The following NOTCH2 variants were observed in gnomAD, a reference collection of about 807,000 sequenced individuals.
The protein encoded by NOTCH2 is notch receptor 2, also known as neurogenic locus notch homolog protein 2.
NOTCH2 carries 29 observed loss-of-function variants against 235.8 expected under a neutral mutation model. The observed-to-expected ratio is 0.12, with a 90% confidence interval of 0.09 to 0.17. The LOEUF (loss-of-function observed/expected upper bound fraction) is 0.17. NOTCH2 is among the 10% of genes least tolerant of loss of function. The pLI, the probability that NOTCH2 is intolerant of heterozygous loss-of-function variation, is 1.00. For missense variants in NOTCH2, 2,285 were observed against 3,150.2 expected (o/e 0.73, Z 6.57); for synonymous variants, 1,086 against 1,141.5 (o/e 0.95, Z 0.98).
At chr1:119,979,984 G>A (rs1012833361) in intron 5 of NOTCH2, among the ~76,000 whole-genome samples, 13 of 152,050 alleles carry the variant, frequency 8.5e-5, no homozygotes, top group South Asian at 2.1e-4. Flanking sequence ...ATGGTCTGTC[G>A]TTCTCGTGGA....
At chr1:119,934,014 A>C (rs1056735458) in intron 22 of NOTCH2, among the ~76,000 whole-genome samples, 1 of 152,244 alleles carries the variant, frequency 6.6e-6, no homozygotes, top group Non-Finnish European at 1.5e-5. Context: ...CACATATCTA[A>C]AACACAGAGA....
Position 119,937,485 on chromosome 1 carries a change from G to T in NOTCH2, c.3338-19C>A. On this transcript the variant is annotated intron_variant, in intron 20 of 33. Coordinates refer to ENST00000256646, the MANE Select transcript of NOTCH2 (RefSeq NM_024408.4). ...AGCACACCTGGGAAACCCAGTGAGG[G>T]AGAAATGTCATAGAAGAACATGTGA... 1 of 1,609,872 alleles carries T rather than the reference G, an allele frequency of 6.2e-7. No individual in the cohort carries two copies. Among genetic ancestry groups the T allele is most frequent in the South Asian group, 1.1e-5 (1 of 90,530 alleles).
intron 1 of NOTCH2, among the ~76,000 whole-genome samples, chr1:120,065,435 CT>C: frequency 6.6e-6 from 1 of 152,188 alleles, no homozygotes; most frequent in African/African-American, 2.4e-5. Context: ...ACAATAAGCA[CT>C]TGAGGATGTT....
chr1:119,964,029 T>C (rs1412458961), intron 10 of NOTCH2, among the ~76,000 whole-genome samples: 1 of 152,208 alleles, frequency 6.6e-6, no homozygotes, highest in Non-Finnish European at 1.5e-5. Flanking sequence ...AGAATTGAAA[T>C]ACCTTCGCAA....
At chr1:119,981,051 C>T (rs1351981187) in intron 5 of NOTCH2, among the ~76,000 whole-genome samples, 3 of 152,174 alleles carry the variant, frequency 2.0e-5, no homozygotes, top group Non-Finnish European at 4.4e-5. Flanking sequence ...TGACACATTC[C>T]ATGGTAACCC....
chr1:119,991,838 A>G (rs1292601570), intron 4 of NOTCH2, among the ~76,000 whole-genome samples: 4 of 129,876 alleles, frequency 3.1e-5, no homozygotes, highest in African/African-American at 1.4e-4. Flanking sequence ...AAAAAAAAAA[A>G]AAAAAGAAAA....
intron 2 of NOTCH2, among the ~76,000 whole-genome samples, chr1:120,025,624 TGTAAA>T (rs1653810522): frequency 9.1e-6 from 1 of 109,840 alleles, no homozygotes; most frequent in Non-Finnish European, 1.8e-5. Context: ...ACCATACATG[TGTAAA>T]GTAAAGGGAA....
At chr1:119,940,444 T>G in intron 19 of NOTCH2, 111 bp downstream of exon 19, 7 of 984,034 alleles carry the variant, frequency 7.1e-6, no homozygotes, top group South Asian at 1.4e-5. Context: ...AGGGAATCCC[T>G]GAGATCCACA....
chr1:120,069,516 A>G lies in NOTCH2; in HGVS notation c.-110T>C. 6.9e-7 allele frequency: 1 copy of G among 1,450,018 alleles called. No homozygotes were observed. The highest frequency in any genetic ancestry group is 1.4e-5 in the South Asian group (1 of 72,294). The allele number at this position is 1,450,018 out of a possible 1,614,324, so 89.8% of individuals were successfully genotyped here. On this transcript the variant is annotated 5_prime_UTR_variant, in exon 1 of 34. Coordinates refer to ENST00000256646, the MANE Select transcript of NOTCH2 (RefSeq NM_024408.4). ...CTCTCTCCTCCCCTCCTCCTGCTTCAAAGGCTCAGGCCCTGGCGCTACGCT... is the reference window on the plus strand; with the variant it reads ...CTCTCTCCTCCCCTCCTCCTGCTTCGAAGGCTCAGGCCCTGGCGCTACGCT...
intron 10 of NOTCH2, among the ~76,000 whole-genome samples, chr1:119,964,622 A>G (rs1177350359): frequency 6.6e-6 from 1 of 152,234 alleles, no homozygotes; most frequent in Non-Finnish European, 1.5e-5. Context: ...ATTAATTTTC[A>G]CAATTAAATT....
intron 19 of NOTCH2, 118 bp from the exon 20 acceptor site, chr1:119,938,128 C>T: frequency 8.8e-7 from 1 of 1,141,220 alleles, no homozygotes. Flanking sequence ...AGAAAAAGAG[C>T]CTTCATCTAG....
chr1:119,988,850 G>A (rs1652119870), intron 4 of NOTCH2, among the ~76,000 whole-genome samples: 1 of 152,160 alleles, frequency 6.6e-6, no homozygotes, highest in Non-Finnish European at 1.5e-5. Context: ...CGAAGCCCTT[G>A]TAGCTCAACT....
Position 119,997,202 on chromosome 1 carries a change from A to G in NOTCH2, c.546T>C (p.Asp182=), listed in dbSNP as rs1182267634. ...TGFTGQKCET[D]VNECDIPGHC... ...GTCCTGGAATGTCACACTCATTGAC[A>G]TCAGTCTCACATTTCTGCCCTGTGA... The change falls in exon 4 of 34, where the codon GAT becomes GAC. Residue 182 remains aspartate, a synonymous_variant. Transcript: ENST00000256646. 6.2e-7 allele frequency: 1 copy of G among 1,613,916 alleles called. No individual in the cohort carries two copies. The highest frequency in any genetic ancestry group is 8.5e-7 in the Non-Finnish European group (1 of 1,179,878).
intron 4 of NOTCH2, chr1:119,996,199 C>T (rs1479450640): frequency 3.6e-5 from 6 of 164,756 alleles, no homozygotes; most frequent in South Asian, 3.0e-4. Context: ...AATGAATTGG[C>T]CAGGCTTGTT....
chr1:119,999,968 A>AAGGAAGGAAGG (rs1557840237), intron 3 of NOTCH2, among the ~76,000 whole-genome samples: 1 of 101,356 alleles, frequency 9.9e-6, no homozygotes, highest in Non-Finnish European at 2.0e-5. Context: ...AGAAAGAAAG[A>AAGGAAGGAAGG]AAGAAAGAAA....
At chr1:119,948,926 C>T (rs1234722540) in intron 16 of NOTCH2, 81 bp downstream of exon 16, 3 of 1,564,410 alleles carry the variant, frequency 1.9e-6, no homozygotes, top group African/African-American at 2.7e-5. Context: ...CCAGCAGGGC[C>T]TTCCATATGA....
At position 119,915,332 on chromosome 1, in the gene NOTCH2, G is replaced by C. The variant is rs1360394263; in HGVS notation, c.7390C>G (p.His2464Asp). The change falls in exon 34 of 34, where the codon CAC becomes GAC. Residue 2464 changes from histidine to aspartate, a missense_variant. This residue lies in a region of NOTCH2 where 504 missense variants were observed against 538.0 expected (regional missense o/e 0.94). Coordinates refer to ENST00000256646, the MANE Select transcript of NOTCH2 (RefSeq NM_024408.4). ...GPGTHMSEPP[H>D]NNMQVYA ...CACGCATAAACCTGCATGTTGTTGT[G>C]TGGTGGCTCAGACATGTGTGTCCCA... is the stretch of plus-strand genomic sequence containing the variant. 1.9e-6 allele frequency: 3 copies of C among 1,613,788 alleles called. No homozygotes were observed. The highest frequency in any genetic ancestry group is 2.5e-6 in the Non-Finnish European group (3 of 1,180,042).
chr1:119,915,400 GT>G lies in NOTCH2; in HGVS notation c.7321del (p.Thr2441ProfsTer49). Reference protein sequence around the residue: ...HSASDWSDVTTSPTPGGAGGG... With the variant: ...HSASDWSDVTXSPTPGGAGGG... ...TCCAGCACCCCCAGGGGTAGGGCTG[GT>G]GGTCACATCTGACCAGTCAGAAGCA... On this transcript the variant is annotated frameshift_variant, in exon 34 of 34. Coordinates refer to ENST00000256646, the MANE Select transcript of NOTCH2 (RefSeq NM_024408.4). LOFTEE classifies it high-confidence loss of function. 1 of 1,614,190 alleles carries G rather than the reference GT, an allele frequency of 6.2e-7. No homozygotes were observed. Among genetic ancestry groups the G allele is most frequent in the Non-Finnish European group, 8.5e-7 (1 of 1,180,018 alleles).
intron 22 of NOTCH2, among the ~76,000 whole-genome samples, chr1:119,934,952 A>G (rs1404377267): frequency 2.0e-5 from 3 of 152,218 alleles, no homozygotes; most frequent in African/African-American, 7.2e-5. Flanking sequence ...TCAACAGTCC[A>G]GGGTTGCATC....
Sources: allele counts gnomAD v4.1 joint callset (sites outside exome capture counted in the v4.1 genomes callset), GRCh38; gene constraint gnomAD v4.1.1; regional missense constraint gnomAD v4.1.1; transcripts MANE v1.5; gene names NCBI Gene and HGNC (gene_info 2026-07-23, HGNC 2026-07-21).